Variants in ST3GAL3 observed in about 807,000 individuals in gnomAD.
ST3GAL3 encodes the protein CMP-N-acetylneuraminate-beta-1,4-galactoside alpha-2,3-sialyltransferase.
A neutral mutation model predicts 50.1 loss-of-function variants in ST3GAL3; 21 were observed. That is an observed-to-expected ratio of 0.42 (90% CI 0.30 to 0.60). ST3GAL3 has a LOEUF of 0.60. ST3GAL3 is among the 20% of genes least tolerant of loss of function. The pLI is 0.19. For synonymous variants in ST3GAL3, 183 were observed against 190.0 expected, an observed-to-expected ratio of 0.96 and a Z score of 0.30; for missense variants, 353 against 489.4, an observed-to-expected ratio of 0.72 and a Z score of 2.63.
At chr1:43,826,635 T>C (rs1479407580) in intron 4 of ST3GAL3, among the ~76,000 whole-genome samples, 1 of 152,148 alleles carries the variant, frequency 6.6e-6, no homozygotes, top group Non-Finnish European at 1.5e-5. Context: ...ATAAAGATAT[T>C]ATAAGAAAGG....
At chr1:43,769,108 C>T (rs1248634790) in intron 2 of ST3GAL3, among the ~76,000 whole-genome samples, 1 of 152,074 alleles carries the variant, frequency 6.6e-6, no homozygotes, top group Non-Finnish European at 1.5e-5. Context: ...AGAAATTCAT[C>T]AGTGTAATTA....
intron 2 of ST3GAL3, chr1:43,743,577 A>G: frequency 5.3e-6 from 2 of 380,202 alleles, no homozygotes; most frequent in South Asian, 2.0e-5. Context: ...CTTATTGTGA[A>G]TGAGAGGGTC....
intron 4 of ST3GAL3, among the ~76,000 whole-genome samples, chr1:43,833,887 G>A (rs1321025005): frequency 1.3e-5 from 2 of 152,162 alleles, no homozygotes; most frequent in Non-Finnish European, 2.9e-5. Flanking sequence ...GCGGGCTAAG[G>A]GAGCAGAGCT....
intron 11 of ST3GAL3, among the ~76,000 whole-genome samples, chr1:43,926,580 C>T (rs556177884): frequency 1.4e-4 from 21 of 149,552 alleles, no homozygotes; most frequent in African/African-American, 4.6e-4. Flanking sequence ...ACTCCAGCCT[C>T]GGCAACAAGA....
intron 9 of ST3GAL3, among the ~76,000 whole-genome samples, chr1:43,903,039 C>T (rs901524600): frequency 6.6e-6 from 1 of 152,144 alleles, no homozygotes; most frequent in African/African-American, 2.4e-5. Context: ...AGGAGTCACT[C>T]CTGAGCTGGA....
intron 2 of ST3GAL3, among the ~76,000 whole-genome samples, chr1:43,771,185 T>C (rs761778202): frequency 3.3e-4 from 50 of 152,238 alleles, no homozygotes; most frequent in Non-Finnish European, 3.8e-4. Context: ...AACATGCTTA[T>C]TGACATGTAA....
intron 1 of ST3GAL3, among the ~76,000 whole-genome samples, chr1:43,734,107 T>C (rs936955463): frequency 1.3e-5 from 2 of 151,700 alleles, no homozygotes; most frequent in African/African-American, 4.8e-5. Flanking sequence ...GGAAACTCCA[T>C]CTCGGGGGGT....
chr1:43,859,972 G>A (rs1339134812), intron 5 of ST3GAL3, among the ~76,000 whole-genome samples: 1 of 152,188 alleles, frequency 6.6e-6, no homozygotes, highest in Non-Finnish European at 1.5e-5. Flanking sequence ...GGCCGCTTCT[G>A]ACCATCTCAA....
At chr1:43,731,827 C>T (rs1050379034) in intron 1 of ST3GAL3, among the ~76,000 whole-genome samples, 8 of 152,064 alleles carry the variant, frequency 5.3e-5, no homozygotes, top group South Asian at 2.1e-4. Context: ...CCACTATGCC[C>T]GGCCCTGACT....
At chr1:43,789,007 A>G (rs2057711927) in intron 2 of ST3GAL3, among the ~76,000 whole-genome samples, 1 of 151,994 alleles carries the variant, frequency 6.6e-6, no homozygotes, top group African/African-American at 2.4e-5. Context: ...ACATGAAGGC[A>G]TGCATCTCTT....
At chr1:43,909,189 C>T (rs1481208835) in intron 9 of ST3GAL3, among the ~76,000 whole-genome samples, 2 of 152,166 alleles carry the variant, frequency 1.3e-5, no homozygotes. Flanking sequence ...ACAGTACCTT[C>T]GAGGAGAGTC....
chr1:43,721,295 C>CT (rs35508020), intron 1 of ST3GAL3, among the ~76,000 whole-genome samples: 1,448 of 99,824 alleles, frequency 0.015, 29 homozygotes, highest in African/African-American at 0.028. Flanking sequence ...ATAATTAAAC[C>CT]TTTTTTTTTT....
Position 43,821,153 on chromosome 1 carries a change from C to T in ST3GAL3, c.209+6220C>T, listed in dbSNP as rs532967662. 4.6e-5 allele frequency among the ~76,000 whole-genome samples: 7 copies of T among 152,156 alleles called. No individual in the cohort carries two copies. In the South Asian group the frequency reaches 6.2e-4, roughly 14 times the overall value. ...AAGCTTGATTGGAAAGGCTATCCTG[C>T]GAGCTGAAGTCTTAGTGAATGGGGA... On this transcript the variant is annotated intron_variant, in intron 4 of 11. Transcript: ENST00000347631.
chr1:43,730,528 TGA>T (rs10570131), intron 1 of ST3GAL3, among the ~76,000 whole-genome samples: 19 of 85,896 alleles, frequency 2.2e-4, no homozygotes, highest in African/African-American at 5.3e-4. Flanking sequence ...TACAAGTTTC[TGA>T]TTTCTTTTTC....
At chr1:43,725,692 G>A (rs559038489) in intron 1 of ST3GAL3, among the ~76,000 whole-genome samples, 75 of 152,034 alleles carry the variant, frequency 4.9e-4, no homozygotes, top group Non-Finnish European at 9.7e-4. Flanking sequence ...TGTCACCCAG[G>A]CTGGAGTGTA....
At chr1:43,717,872 T>A (rs569675549) in intron 1 of ST3GAL3, among the ~76,000 whole-genome samples, 1,533 of 143,572 alleles carry the variant, frequency 0.011, 29 homozygotes, top group African/African-American at 0.039. Flanking sequence ...CTATCATGAA[T>A]TTTTTTTTTT....
chr1:43,815,254 C>T (rs1207727229), intron 4 of ST3GAL3, among the ~76,000 whole-genome samples: 1 of 152,166 alleles, frequency 6.6e-6, no homozygotes, highest in African/African-American at 2.4e-5. Context: ...AGTTGAGTCA[C>T]AGCAGGAGGT....
In ST3GAL3 at chr1:43,857,586, CCCTTCCTTCCTTCCTTCCTTCCTT is replaced by C. The variant is rs1178598580; in HGVS notation, c.302+19303_302+19326del. 3.5e-4 allele frequency among the ~76,000 whole-genome samples: 30 copies of C among 86,040 alleles called. 1 individual carries two copies. The East Asian group carries it at 3.9e-3, about 11-fold the overall frequency. 56.4% of individuals were successfully genotyped at this position (86,040 alleles called of 152,430 possible). On this transcript the variant is annotated intron_variant, in intron 5 of 11. Coordinates refer to ENST00000347631, the MANE Select transcript of ST3GAL3 (RefSeq NM_006279.5). ...TTCCTTCTTTCTTTCCTTCCTCCCT[CCCTTCCTTCCTTCCTTCCTTCCTT>C]CCTTCCTTCCTTCCTTCCTTCCTTC...
chr1:43,725,324 C>G (rs565317107), intron 1 of ST3GAL3, among the ~76,000 whole-genome samples: 1 of 152,260 alleles, frequency 6.6e-6, no homozygotes, highest in South Asian at 2.1e-4. Context: ...CTGCCTCAGC[C>G]TCCCAAGTAG....
Sources: gnomAD v4.1 joint callset for allele counts (sites outside exome capture counted in the v4.1 genomes callset) on GRCh38, gnomAD v4.1.1 for gene constraint, MANE v1.5 for transcripts, NCBI Gene and HGNC (gene_info 2026-07-23, HGNC 2026-07-21) for gene names.